Variants in TMC1 observed in about 807,000 individuals in gnomAD.
The protein encoded by TMC1 is transmembrane channel like 1.
Under a neutral mutation model 105.8 loss-of-function variants are expected in TMC1, and 84 were observed. The ratio of observed to expected loss-of-function variants is 0.79; its 90% CI spans 0.67 to 0.95. The LOEUF is 0.95. TMC1 is among the 40% of genes least tolerant of loss of function. TMC1 has a pLI of 0.00. For synonymous variants in TMC1, 315 were observed against 311.5 expected, an observed-to-expected ratio of 1.01 and a Z score of -0.12; for missense variants, 817 against 914.1, an observed-to-expected ratio of 0.89 and a Z score of 1.37.
chr9:72,550,001 G>A (rs1823834578), intron 1 of TMC1, among the ~76,000 whole-genome samples: 1 of 151,746 alleles, frequency 6.6e-6, no homozygotes, highest in East Asian at 2.0e-4. Flanking sequence ...ACCTACCTCG[G>A]CTTCCCAAAG....
intron 1 of TMC1, among the ~76,000 whole-genome samples, chr9:72,539,976 T>C (rs1823647245): frequency 6.6e-6 from 1 of 152,168 alleles, no homozygotes; most frequent in South Asian, 2.1e-4. Context: ...GGAGCCTCCA[T>C]GTGCAGAGAT....
chr9:72,749,371 A>G (rs1827541998), intron 10 of TMC1, among the ~76,000 whole-genome samples: 2 of 152,194 alleles, frequency 1.3e-5, no homozygotes, highest in South Asian at 2.1e-4. Context: ...CCTCCAGTAA[A>G]TGAGTAACTG....
intron 2 of TMC1, among the ~76,000 whole-genome samples, chr9:72,596,652 A>G (rs1170727722): frequency 1.3e-5 from 2 of 152,098 alleles, no homozygotes; most frequent in Non-Finnish European, 2.9e-5. Context: ...TCTATAGCAG[A>G]TGATGCCTGA....
At chr9:72,801,906 T>C (rs115927678) in intron 17 of TMC1, among the ~76,000 whole-genome samples, 208 of 152,330 alleles carry the variant, frequency 1.4e-3, no homozygotes, top group African/African-American at 4.8e-3. Context: ...ATGTGAAAGT[T>C]AGGTCACTGC....
chr9:72,717,738 T>C (rs1012172521), intron 8 of TMC1, among the ~76,000 whole-genome samples: 6 of 152,228 alleles, frequency 3.9e-5, no homozygotes, highest in Non-Finnish European at 8.8e-5. Context: ...TTTCCCTCTG[T>C]CTTGACTTTA....
At chr9:72,722,336 C>T (rs908491046) in intron 8 of TMC1, among the ~76,000 whole-genome samples, 2 of 152,142 alleles carry the variant, frequency 1.3e-5, no homozygotes, top group South Asian at 2.1e-4. Context: ...TGAGATTAAT[C>T]TTCCCTATAG....
intron 3 of TMC1, among the ~76,000 whole-genome samples, chr9:72,619,869 T>C (rs1406587695): frequency 3.3e-5 from 5 of 152,058 alleles, no homozygotes; most frequent in African/African-American, 1.2e-4. Flanking sequence ...AGAGTCTCGC[T>C]CTGTCACCAG....
intron 3 of TMC1, among the ~76,000 whole-genome samples, chr9:72,623,816 A>G (rs895555738): frequency 2.0e-5 from 3 of 152,108 alleles, no homozygotes; most frequent in African/African-American, 7.2e-5. Context: ...TATAGAGTAA[A>G]TGATAAGACC....
chr9:72,817,468 T>C, intron 19 of TMC1, among the ~76,000 whole-genome samples: 1 of 152,156 alleles, frequency 6.6e-6, no homozygotes, highest in South Asian at 2.1e-4. Context: ...CTGTGGGTTC[T>C]GAGCTTTCAT....
At chr9:72,835,920 T>TG in intron 23 of TMC1, 31 bp from the exon 24 acceptor site, 3 of 1,505,988 alleles carry the variant, frequency 2.0e-6, no homozygotes, top group Non-Finnish European at 2.7e-6. Context: ...TCCTTGTTTT[T>TG]TTTTTTTTTT....
chr9:72,576,639 T>C (rs927895063), intron 1 of TMC1, among the ~76,000 whole-genome samples: 1 of 149,824 alleles, frequency 6.7e-6, no homozygotes, highest in Non-Finnish European at 1.5e-5. Flanking sequence ...TTTTCTTTTT[T>C]TTTTTTAGAC....
chr9:72,613,735 C>T (rs117094708), intron 2 of TMC1, among the ~76,000 whole-genome samples: 5,160 of 151,884 alleles, frequency 0.034, 117 homozygotes, highest in Middle Eastern at 0.085. Flanking sequence ...TACTGACAAG[C>T]GTGTTTTCTT....
In TMC1 at chr9:72,676,348, C is replaced by T. The variant is rs140751047; in HGVS notation, c.17-12361C>T. The stretch of plus-strand genomic sequence containing the variant: ...AAGTAGTTGTGTTTTCCTTATCTTC[C>T]TAAAAGTTTAGATTAAAGATGCCAA... On this transcript the variant is annotated intron_variant, in intron 5 of 23. Transcript: ENST00000297784. Among the ~76,000 whole-genome samples, 933 of 152,120 alleles carry T rather than the reference C, an allele frequency of 6.1e-3. 11 individuals carry two copies. Among genetic ancestry groups the T allele is most frequent in the African/African-American group, 0.021 (891 of 41,494 alleles).
chr9:72,750,008 G>A (rs1279506778), intron 10 of TMC1, among the ~76,000 whole-genome samples: 3 of 152,164 alleles, frequency 2.0e-5, no homozygotes, highest in Non-Finnish European at 1.5e-5. Flanking sequence ...TCAGGAGGCT[G>A]AGGCAGGAGA....
chr9:72,781,619 A>G (rs1467397934), intron 13 of TMC1, among the ~76,000 whole-genome samples: 1 of 152,186 alleles, frequency 6.6e-6, no homozygotes, highest in Non-Finnish European at 1.5e-5. Flanking sequence ...ATCAGAAATG[A>G]CAAAAGGGAC....
chr9:72,647,428 T>A (rs1359542003), intron 4 of TMC1, among the ~76,000 whole-genome samples: 1 of 152,164 alleles, frequency 6.6e-6, no homozygotes, highest in African/African-American at 2.4e-5. Context: ...TTAATATAAA[T>A]CAAATTGCAT....
At chr9:72,715,278 T>G (rs530019271) in intron 8 of TMC1, among the ~76,000 whole-genome samples, 3 of 152,310 alleles carry the variant, frequency 2.0e-5, no homozygotes, top group African/African-American at 7.2e-5. Context: ...TGTGGTGTTC[T>G]CTGTATTTCC....
chr9:72,584,784 C>CTTTTTTTTTTTTTTT (rs71357591), intron 2 of TMC1, among the ~76,000 whole-genome samples: 6 of 112,990 alleles, frequency 5.3e-5, no homozygotes, highest in South Asian at 3.0e-4. Flanking sequence ...CTTTTCTTTT[C>CTTTTTTTTTTTTTTT]TTTTTTTTTT....
chr9:72,695,801 C>T (rs561903353), intron 7 of TMC1, among the ~76,000 whole-genome samples: 1 of 152,060 alleles, frequency 6.6e-6, no homozygotes, highest in Non-Finnish European at 1.5e-5. Context: ...AAGTTTTCCT[C>T]CTCCTCTTCC....
Sources: gnomAD v4.1 joint callset for allele counts (sites outside exome capture counted in the v4.1 genomes callset) on GRCh38, gnomAD v4.1.1 for gene constraint, MANE v1.5 for transcripts, NCBI Gene and HGNC (gene_info 2026-07-23, HGNC 2026-07-21) for gene names.